RBBP5: variants seen among roughly 807,000 people sequenced by gnomAD.
The protein encoded by RBBP5 is retinoblastoma-binding protein 5.
A neutral mutation model predicts 72.2 loss-of-function variants in RBBP5; 5 were observed. The observed-to-expected ratio is 0.07, with a 90% CI of 0.04 to 0.15. The LOEUF is 0.15. RBBP5 is among the 10% of genes least tolerant of loss of function. The pLI, the probability that RBBP5 is intolerant of heterozygous loss-of-function variation, is 1.00. For synonymous variants in RBBP5, 209 were observed against 237.2 expected (o/e 0.88, Z 1.09); for missense variants, 322 against 652.2 (o/e 0.49, Z 5.51).
In RBBP5 at chr1:205,114,783, T is replaced by A; in HGVS notation, c.218+6A>T. On this transcript the variant is annotated splice_donor_region_variant and intron_variant, in intron 3 of 13. Transcript: ENST00000264515. ...ATATTTAAATATTAATTAAAAAATG[T>A]CTTACCATAAAGAACACACTGGATG... 4.6e-6 allele frequency: 7 copies of A among 1,507,526 alleles called. No individual in the cohort carries two copies. The highest frequency in any genetic ancestry group is 6.2e-6 in the Non-Finnish European group (7 of 1,125,702). The allele number at this position is 1,507,526 out of a possible 1,614,324, so 93.4% of individuals were successfully genotyped here.
chr1:205,114,361 T>A (rs1022693097), intron 3 of RBBP5, among the ~76,000 whole-genome samples: 7 of 152,244 alleles, frequency 4.6e-5, no homozygotes, highest in African/African-American at 1.7e-4. Context: ...TTACGTTTTC[T>A]ATAAAGCCTT....
rs189042675 is a variant in RBBP5, at chr1:205,110,623, T to C, written c.218+4166A>G. On this transcript the variant is annotated intron_variant, in intron 3 of 13. Transcript: ENST00000264515. ...TTTAAAAACATATTATGTGGATATA[T>C]GTATTAATTATTTCCCACATAAAAA... Among the ~76,000 whole-genome samples the C allele has an allele frequency of 4.4e-3, 663 of 152,272 alleles. 7 individuals are homozygous for C. The highest frequency in any genetic ancestry group is 0.015 in the African/African-American group (615 of 41,562).
At chr1:205,112,756 G>A (rs1656367021) in intron 3 of RBBP5, among the ~76,000 whole-genome samples, 1 of 152,160 alleles carries the variant, frequency 6.6e-6, no homozygotes, top group South Asian at 2.1e-4. Flanking sequence ...GCAGAAAAAT[G>A]TCGAGACAGT....
In RBBP5 at chr1:205,101,700, G is replaced by A. The variant is rs759836277; in HGVS notation, c.532C>T (p.Leu178=). The part of the protein sequence containing the change: ...TGNAKGKILV[L]KTDSQDLVAS... ...ACAAGATCCTGAGAATCTGTTTTTA[G>A]GACCAAAATCTAAAGTTTAAAGGAG... is the stretch of plus-strand genomic sequence containing the variant. The change falls in exon 6 of 14, where the codon CTA becomes TTA. Residue 178 remains leucine, a synonymous_variant. Coordinates refer to ENST00000264515, the MANE Select transcript of RBBP5 (RefSeq NM_005057.4). The A allele has an allele frequency of 5.6e-6, 9 of 1,611,034 alleles. No individual in the cohort carries two copies. The highest frequency in any genetic ancestry group is 7.6e-6 in the Non-Finnish European group (9 of 1,178,670).
chr1:205,118,157 T>C (rs543130743), intron 1 of RBBP5, among the ~76,000 whole-genome samples: 1 of 152,094 alleles, frequency 6.6e-6, no homozygotes, highest in East Asian at 1.9e-4. Context: ...GCTCATTTAT[T>C]GTGGTTCCCT....
chr1:205,086,430 T>C lies in RBBP5; in HGVS notation c.*2357A>G, dbSNP rs1428864245. 1.3e-5 allele frequency: 2 copies of C among 151,848 alleles called. No homozygotes were observed. Among genetic ancestry groups the C allele is most frequent in the African/African-American group, 4.9e-5 (2 of 41,232 alleles). The allele number at this position is 151,848 out of a possible 1,614,324, so 9.4% of individuals were successfully genotyped here. ...TTTTGTATTTTTAGTAGAGACGGGG[T>C]TTCACCATGTTGACCAGGCTGGTCT... On this transcript the variant is annotated 3_prime_UTR_variant, in exon 14 of 14. Coordinates refer to ENST00000264515, the MANE Select transcript of RBBP5 (RefSeq NM_005057.4).
chr1:205,097,483 C>A (rs151016156), intron 10 of RBBP5, 88 bp from the exon 11 acceptor site: 21,840 of 1,283,594 alleles, frequency 0.017, 254 homozygotes, highest in Non-Finnish European at 0.021. Flanking sequence ...AGTTGAAATT[C>A]CAGAGAAACA....
In RBBP5 at chr1:205,105,172, A is replaced by AG; in HGVS notation, c.219-5dup. 1 of 1,607,026 alleles carries AG rather than the reference A, an allele frequency of 6.2e-7. No individual in the cohort carries two copies. The highest frequency in any genetic ancestry group is 1.1e-5 in the South Asian group (1 of 91,006). ...TTTATGACCATCTCGGCTCCAGCTG[A>AG]GGAAAAAAAAGGGGTAATTTAGCAC... On this transcript the variant is annotated splice_polypyrimidine_tract_variant and splice_region_variant and intron_variant, in intron 3 of 13. Coordinates refer to ENST00000264515, the MANE Select transcript of RBBP5 (RefSeq NM_005057.4).
At chr1:205,103,242 A>T (rs1183489735) in intron 5 of RBBP5, among the ~76,000 whole-genome samples, 1 of 146,578 alleles carries the variant, frequency 6.8e-6, no homozygotes, top group Non-Finnish European at 1.5e-5. Context: ...AAAAAAAAAA[A>T]GGAAAAATTG....
intron 10 of RBBP5, among the ~76,000 whole-genome samples, chr1:205,097,653 C>T (rs892397030): frequency 2.0e-5 from 3 of 152,166 alleles, no homozygotes; most frequent in Non-Finnish European, 2.9e-5. Context: ...GACAGAGAGA[C>T]AGTTTCAATT....
chr1:205,119,485 C>T (rs973135033), intron 1 of RBBP5, among the ~76,000 whole-genome samples: 5 of 152,208 alleles, frequency 3.3e-5, no homozygotes, highest in Non-Finnish European at 5.9e-5. Flanking sequence ...CAAGATCCTG[C>T]TACTCTTTCA....
chr1:205,107,749 C>T (rs780607965), intron 3 of RBBP5, among the ~76,000 whole-genome samples: 9 of 151,548 alleles, frequency 5.9e-5, no homozygotes, highest in Non-Finnish European at 1.3e-4. Context: ...AGTTGGAGAC[C>T]AGCCTGGCCA....
At chr1:205,100,725 C>A (rs1655786613) in intron 6 of RBBP5, among the ~76,000 whole-genome samples, 1 of 152,140 alleles carries the variant, frequency 6.6e-6, no homozygotes, top group Non-Finnish European at 1.5e-5. Context: ...TTCTTGCAGA[C>A]TTCACTGACT....
At position 205,115,919 on chromosome 1, in the gene RBBP5, T is replaced by C. The variant is rs1191691749; in HGVS notation, c.20-36A>G. 4 of 1,613,782 alleles carry C rather than the reference T, an allele frequency of 2.5e-6. No homozygotes were observed. The African/African-American group carries it at 4.0e-5, about 16-fold the overall frequency. ...GCAAAGAAAGAGTTGATGGCACATG[T>C]ACCACATAGCAAGGATCATACAACT... is the stretch of plus-strand genomic sequence containing the variant. On this transcript the variant is annotated intron_variant, in intron 1 of 13. Coordinates refer to ENST00000264515, the MANE Select transcript of RBBP5 (RefSeq NM_005057.4).
At position 205,086,423 on chromosome 1, in the gene RBBP5, G is replaced by A. The variant is rs1170394944; in HGVS notation, c.*2364C>T. ...AGCTAATTTTTGTATTTTTAGTAGA[G>A]ACGGGGTTTCACCATGTTGACCAGG... On this transcript the variant is annotated 3_prime_UTR_variant, in exon 14 of 14. Coordinates refer to ENST00000264515, the MANE Select transcript of RBBP5 (RefSeq NM_005057.4). 4 of 151,922 alleles carry A rather than the reference G, an allele frequency of 2.6e-5. No homozygotes were observed. Among genetic ancestry groups the A allele is most frequent in the African/African-American group, 4.8e-5 (2 of 41,284 alleles). 9.4% of individuals were successfully genotyped at this position (151,922 alleles called of 1,614,324 possible). A position where few individuals can be genotyped will look rare whatever the true frequency, so the allele number is the denominator to read the frequency against.
intron 1 of RBBP5, among the ~76,000 whole-genome samples, chr1:205,120,010 GCTGT>G (rs1451017758): frequency 6.6e-6 from 1 of 152,066 alleles, no homozygotes; most frequent in Non-Finnish European, 1.5e-5. Flanking sequence ...CTTCTCCAAA[GCTGT>G]CTTTTTCCAA....
chr1:205,089,397 C>A (rs1655250724), intron 13 of RBBP5, among the ~76,000 whole-genome samples: 1 of 152,174 alleles, frequency 6.6e-6, no homozygotes, highest in Non-Finnish European at 1.5e-5. Context: ...ATGAAATGAA[C>A]ACTTCCCTGA....
chr1:205,110,614 G>A (rs1656274072), intron 3 of RBBP5, among the ~76,000 whole-genome samples: 2 of 152,024 alleles, frequency 1.3e-5, no homozygotes, highest in South Asian at 4.1e-4. Flanking sequence ...AACATATTAT[G>A]TGGATATATG....
chr1:205,102,996 CA>C lies in RBBP5; in HGVS notation c.522+860del, dbSNP rs376931698. 2.8e-3 allele frequency among the ~76,000 whole-genome samples: 324 copies of C among 117,278 alleles called. 3 individuals are homozygous for C. The highest frequency in any genetic ancestry group is 7.1e-3 in the African/African-American group (214 of 30,236). 76.9% of individuals were successfully genotyped at this position (117,278 alleles called of 152,430 possible). ...CAACAACAAGAGCGAAACTCCATCTCAAAAAAAAAAAAAAAAATTGCCTTTC... is the reference window on the plus strand; with the variant it reads ...CAACAACAAGAGCGAAACTCCATCTCAAAAAAAAAAAAAAAATTGCCTTTC... On this transcript the variant is annotated intron_variant, in intron 5 of 13. Transcript: ENST00000264515.
Sources: allele counts gnomAD v4.1 joint callset (sites outside exome capture counted in the v4.1 genomes callset), GRCh38; gene constraint gnomAD v4.1.1; transcripts MANE v1.5; gene names NCBI Gene and HGNC (gene_info 2026-07-23, HGNC 2026-07-21).